CSMD1: variants seen among roughly 807,000 people sequenced by gnomAD.
The protein encoded by CSMD1 is CUB and Sushi multiple domains 1.
In CSMD1, 213 loss-of-function variants were observed where a neutral mutation model predicts 417.5. The observed-to-expected ratio is 0.51, with a 90% CI of 0.46 to 0.57. The LOEUF (loss-of-function observed/expected upper bound fraction) is 0.57. Ranked by LOEUF, CSMD1 falls within the 20% of genes least tolerant of loss-of-function variation. The probability of loss-of-function intolerance (pLI) is 0.00; values close to 1 mark genes in which losing one functional copy is unlikely to be tolerated. For synonymous variants in CSMD1, 2,862 were observed against 1,736.8 expected (o/e 1.65, Z -16.11); for missense variants, 6,923 against 4,529.7 (o/e 1.53, Z -15.17).
intron 2 of CSMD1, among the ~76,000 whole-genome samples, chr8:4,421,748 T>C (rs1797257879): frequency 6.6e-6 from 1 of 150,670 alleles, no homozygotes; most frequent in Non-Finnish European, 1.5e-5. Context: ...AAATCCCTAA[T>C]CCAAATTCTT....
chr8:3,548,903 T>A (rs1798792763), intron 10 of CSMD1, among the ~76,000 whole-genome samples: 1 of 152,102 alleles, frequency 6.6e-6, no homozygotes, highest in Admixed American at 6.5e-5. Context: ...CCTCCCCTTC[T>A]CACCTGGTGG....
intron 3 of CSMD1, among the ~76,000 whole-genome samples, chr8:4,175,625 T>C (rs986993050): frequency 1.3e-5 from 2 of 152,122 alleles, no homozygotes; most frequent in African/African-American, 4.8e-5. Context: ...CACAGCATAA[T>C]TTGTGATGGC....
At chr8:3,078,063 G>A (rs1312098191) in intron 49 of CSMD1, among the ~76,000 whole-genome samples, 1 of 152,156 alleles carries the variant, frequency 6.6e-6, no homozygotes, top group East Asian at 1.9e-4. Flanking sequence ...ATTTCTCAAC[G>A]CGAAGCACAT....
chr8:3,209,291 GTTTATTTA>G (rs34211015), intron 30 of CSMD1, among the ~76,000 whole-genome samples: 18,376 of 150,152 alleles, frequency 0.12, 1,366 homozygotes, highest in Non-Finnish European at 0.18. Context: ...TTGTTTGTTT[GTTTATTTA>G]TTTATTTATT....
rs1448751536 is a variant in CSMD1, at chr8:3,029,405, G to C, written c.7769C>G (p.Pro2590Arg). 3 of 1,611,722 alleles carry C rather than the reference G, an allele frequency of 1.9e-6. No individual in the cohort carries two copies. Among genetic ancestry groups the C allele is most frequent in the African/African-American group, 1.3e-5 (1 of 74,300 alleles). Residue 2590 changes from proline to arginine, a missense_variant, in exon 51 of 70, where the codon CCT (proline) becomes CGT (arginine). Pro to Arg is a moderately radical substitution (Grantham distance 103). Coordinates refer to ENST00000635120, the MANE Select transcript of CSMD1 (RefSeq NM_033225.6). ...YGAQVLLSCS[P>R]GYYLEGWRLL... ...CCTCCAGCCTTCTAAGTAGTAACCA[G>C]GACTGCAGCTCAGCAATACTTGAGC...
chr8:3,766,847 C>G (rs1294923490), intron 5 of CSMD1, among the ~76,000 whole-genome samples: 2 of 151,998 alleles, frequency 1.3e-5, no homozygotes, highest in African/African-American at 4.8e-5. Flanking sequence ...ATGAGTCTAC[C>G]ATTTTCTTTT....
At chr8:3,658,049 A>G (rs1037707032) in intron 7 of CSMD1, among the ~76,000 whole-genome samples, 2 of 152,216 alleles carry the variant, frequency 1.3e-5, no homozygotes, top group African/African-American at 4.8e-5. Context: ...TACTCAGAGC[A>G]TAACAGCGTC....
At chr8:3,075,270 TTCTTTCTTTC>T (rs796445279) in intron 49 of CSMD1, among the ~76,000 whole-genome samples, 78 of 103,236 alleles carry the variant, frequency 7.6e-4, no homozygotes, top group South Asian at 1.7e-3. Flanking sequence ...TTCTTTTCTT[TTCTTTCTTTC>T]TTTTTTTTTT....
At chr8:2,955,507 C>G in intron 64 of CSMD1, 82 bp downstream of exon 64, 1 of 1,392,228 alleles carries the variant, frequency 7.2e-7, no homozygotes, top group Non-Finnish European at 1.0e-6. Context: ...ATGGGTCTCA[C>G]ACGTGGACAC....
At chr8:4,710,625 C>G (rs1407688670) in intron 1 of CSMD1, among the ~76,000 whole-genome samples, 1 of 151,294 alleles carries the variant, frequency 6.6e-6, no homozygotes, top group Non-Finnish European at 1.5e-5. Context: ...ATGGGTGGAT[C>G]ACAAGCTCAG....
rs112342694 is a variant in CSMD1 at position 3,495,847 on chromosome 8, G to C, written c.1345-2121C>G. Among the ~76,000 whole-genome samples the C allele has an allele frequency of 1.2e-4, 19 of 152,212 alleles. 1 individual carries two copies. Among genetic ancestry groups the C allele is most frequent in the African/African-American group, 3.4e-4 (14 of 41,526 alleles). On this transcript the variant is annotated intron_variant, in intron 10 of 69. Transcript: ENST00000635120. Reference sequence around the variant, plus strand: ...ATGCACCCTCCTTATGTCTTGCATGGACTCCCTCAGCTGTCCTGGAGCTGG... The same window carrying C: ...ATGCACCCTCCTTATGTCTTGCATGCACTCCCTCAGCTGTCCTGGAGCTGG...
Position 3,534,309 on chromosome 8 carries a change from T to G in CSMD1, c.1345-40583A>C, listed in dbSNP as rs71521872. On this transcript the variant is annotated intron_variant, in intron 10 of 69. Coordinates refer to ENST00000635120, the MANE Select transcript of CSMD1 (RefSeq NM_033225.6). The stretch of plus-strand genomic sequence containing the variant: ...TTATTAATTTCCTTCATCTTTACCT[T>G]GATGTAAGCTCCTTGGAGACCTGTT... Among the ~76,000 whole-genome samples the G allele has an allele frequency of 3.4e-3, 523 of 152,260 alleles. 4 individuals carry two copies. Among genetic ancestry groups the G allele is most frequent in the Middle Eastern group, 0.014 (4 of 294 alleles).
At chr8:2,970,429 G>A (rs1405366137) in intron 57 of CSMD1, among the ~76,000 whole-genome samples, 3 of 152,112 alleles carry the variant, frequency 2.0e-5, no homozygotes, top group Non-Finnish European at 4.4e-5. Flanking sequence ...CCAAGTTCAG[G>A]CTGCAAACCA....
chr8:3,290,716 A>C (rs184401159), intron 25 of CSMD1, among the ~76,000 whole-genome samples: 14,295 of 146,840 alleles, frequency 0.097, 1,671 homozygotes, highest in African/African-American at 0.15. Flanking sequence ...CAGCTTAAGG[A>C]GATTTTGGGC....
intron 57 of CSMD1, among the ~76,000 whole-genome samples, chr8:2,968,757 T>C (rs1233581375): frequency 6.6e-6 from 1 of 151,952 alleles, no homozygotes; most frequent in Non-Finnish European, 1.5e-5. Flanking sequence ...AAAAGAACAA[T>C]AAATTAGAAG....
chr8:4,731,471 C>G (rs1001281100), intron 1 of CSMD1, among the ~76,000 whole-genome samples: 2 of 152,182 alleles, frequency 1.3e-5, no homozygotes, highest in South Asian at 4.1e-4. Context: ...AACAACTTGC[C>G]TTGGAAAGGA....
intron 5 of CSMD1, among the ~76,000 whole-genome samples, chr8:3,807,466 C>T (rs1196053054): frequency 6.6e-6 from 1 of 152,036 alleles, no homozygotes; most frequent in Non-Finnish European, 1.5e-5. Flanking sequence ...GATCACTGAG[C>T]CAGAAATGTC....
chr8:4,762,538 A>C (rs2117102991), intron 1 of CSMD1, among the ~76,000 whole-genome samples: 1 of 152,282 alleles, frequency 6.6e-6, no homozygotes, highest in East Asian at 1.9e-4. Context: ...ACATCAAAAA[A>C]GTAACCTACA....
chr8:4,382,240 C>G (rs1046986290), intron 3 of CSMD1, among the ~76,000 whole-genome samples: 4 of 152,244 alleles, frequency 2.6e-5, no homozygotes, highest in East Asian at 3.9e-4. Flanking sequence ...ACAACCATTA[C>G]CAAAGCCATA....
Sources: gnomAD v4.1 joint callset for allele counts (sites outside exome capture counted in the v4.1 genomes callset) on GRCh38, gnomAD v4.1.1 for gene constraint, MANE v1.5 for transcripts, NCBI Gene and HGNC (gene_info 2026-07-23, HGNC 2026-07-21) for gene names.